The following SRR variants were observed in gnomAD, a reference collection of about 807,000 sequenced individuals.
SRR encodes D-serine ammonia-lyase.
SRR carries 19 observed loss-of-function variants against 32.7 expected under a neutral mutation model. The observed-to-expected ratio is 0.58, with a 90% CI of 0.40 to 0.85. SRR has a LOEUF of 0.85. SRR is among the 40% of genes least tolerant of loss of function. SRR has a pLI of 0.00. For missense variants in SRR, 373 were observed against 404.7 expected (o/e 0.92, Z 0.67); for synonymous variants, 142 against 140.9 (o/e 1.01, Z -0.06).
chr17:2,311,897 A>C (rs2075436098), intron 1 of SRR, among the ~76,000 whole-genome samples: 1 of 152,144 alleles, frequency 6.6e-6, no homozygotes, highest in Admixed American at 6.6e-5. Context: ...TCAGAGGAAA[A>C]GGATTCTGTC....
Position 2,325,137 on chromosome 17 carries a change from G to C in SRR, c.*1264G>C. ...TATACACTGTTTCACGTAAAAGTTGGAGTTTTCATTGTTCTATTAACAATG... is the reference window on the plus strand; with the variant it reads ...TATACACTGTTTCACGTAAAAGTTGCAGTTTTCATTGTTCTATTAACAATG... On this transcript the variant is annotated 3_prime_UTR_variant, in exon 8 of 8. Coordinates refer to ENST00000344595, the MANE Select transcript of SRR (RefSeq NM_021947.3). 3.2e-6 allele frequency: 2 copies of C among 621,112 alleles called. No individual in the cohort carries two copies. The highest frequency in any genetic ancestry group is 5.4e-6 in the Non-Finnish European group (2 of 369,384). 38.5% of individuals were successfully genotyped at this position (621,112 alleles called of 1,614,324 possible). A position where few individuals can be genotyped will look rare whatever the true frequency, so the allele number is the denominator to read the frequency against.
At position 2,324,272 on chromosome 17, in the gene SRR, T is replaced by A; in HGVS notation, c.*399T>A. On this transcript the variant is annotated 3_prime_UTR_variant, in exon 8 of 8. Coordinates refer to ENST00000344595, the MANE Select transcript of SRR (RefSeq NM_021947.3). ...GGGTACTGGTTCTGGTACATATGGA[T>A]CATAAGTCCATTTGGGGAAGACTCG... is the stretch of plus-strand genomic sequence containing the variant. The A allele has an allele frequency of 6.4e-7, 1 of 1,554,078 alleles. No individual in the cohort carries two copies. The highest frequency in any genetic ancestry group is 8.7e-7 in the Non-Finnish European group (1 of 1,155,622).
chr17:2,324,265 A>C lies in SRR; in HGVS notation c.*392A>C. On this transcript the variant is annotated 3_prime_UTR_variant, in exon 8 of 8. Coordinates refer to ENST00000344595, the MANE Select transcript of SRR (RefSeq NM_021947.3). ...TCAGCCAGGGTACTGGTTCTGGTAC[A>C]TATGGATCATAAGTCCATTTGGGGA... 6.4e-7 allele frequency: 1 copy of C among 1,551,128 alleles called. No homozygotes were observed. The highest frequency in any genetic ancestry group is 8.7e-7 in the Non-Finnish European group (1 of 1,154,256).
intron 1 of SRR, among the ~76,000 whole-genome samples, chr17:2,314,377 A>C (rs2075455083): frequency 6.6e-6 from 1 of 151,866 alleles, no homozygotes; most frequent in East Asian, 1.9e-4. Context: ...AGGTCAGGAG[A>C]TTGAGACTAT....
In SRR at chr17:2,323,742, T is replaced by G; in HGVS notation, c.892T>G (p.Phe298Val). ...AGTGGCTGCTGTGCTGTCTCAACAT[T>G]TTCAAACTGTTTCCCCAGAAGTAAA... ...VGVAAVLSQHFQTVSPEVKNI... is the reference protein window; with the variant it reads ...VGVAAVLSQHVQTVSPEVKNI... The change falls in exon 8 of 8, where the codon TTT (phenylalanine) becomes GTT (valine). Residue 298 changes from phenylalanine to valine, a missense_variant. Coordinates refer to ENST00000344595, the MANE Select transcript of SRR (RefSeq NM_021947.3). 6.2e-7 allele frequency: 1 copy of G among 1,614,204 alleles called. No individual in the cohort carries two copies.
intron 1 of SRR, among the ~76,000 whole-genome samples, chr17:2,305,218 A>G (rs2075377993): frequency 6.6e-6 from 1 of 152,222 alleles, no homozygotes; most frequent in South Asian, 2.1e-4. Context: ...GATTTGAGAG[A>G]AATAGGAAGA....
At chr17:2,303,924 C>G (rs2075350994), upstream of SRR, 31 of 270,290 alleles carry the variant, frequency 1.1e-4, no homozygotes, top group East Asian at 7.4e-4. Context: ...GAGCGAGAGC[C>G]TGGGTGGGGC....
At chr17:2,317,801 A>G in intron 2 of SRR, 69 bp from the exon 3 acceptor site, 1 of 1,536,278 alleles carries the variant, frequency 6.5e-7, no homozygotes, top group Non-Finnish European at 8.9e-7. Context: ...TAGAAAATCT[A>G]GAAAAGCTCC....
At position 2,323,761 on chromosome 17, in the gene SRR, A is replaced by T; in HGVS notation, c.911A>T (p.Glu304Val). The change falls in exon 8 of 8, where the codon GAA becomes GTA. Residue 304 changes from glutamate (E) to valine (V), a missense_variant. Glu to Val is a moderately radical substitution (Grantham distance 121, BLOSUM62 -2). Coordinates refer to ENST00000344595, the MANE Select transcript of SRR (RefSeq NM_021947.3). ...CAACATTTTCAAACTGTTTCCCCAG[A>T]AGTAAAGAACATTTGTATTGTGCTC... is the stretch of plus-strand genomic sequence containing the variant. ...LSQHFQTVSP[E>V]VKNICIVLSG... is the part of the protein sequence containing the mutation. 6.2e-7 allele frequency: 1 copy of T among 1,614,196 alleles called. No individual in the cohort carries two copies.
Position 2,321,382 on chromosome 17 carries a change from T to A in SRR, c.476T>A (p.Val159Glu). 3 of 1,612,588 alleles carry A rather than the reference T, an allele frequency of 1.9e-6. No individual in the cohort carries two copies. The highest frequency in any genetic ancestry group is 2.5e-6 in the Non-Finnish European group (3 of 1,179,580). The stretch of plus-strand genomic sequence containing the variant: ...GTACATCCCAACCAGGAGCCTGCAG[T>A]GATAGCTGGACAAGGGACAATTGCC... ...IMVHPNQEPA[V>E]IAGQGTIALE... The change falls in exon 5 of 8, where the codon GTG (valine) becomes GAG (glutamate). Residue 159 changes from valine to glutamate, a missense_variant. Physicochemically the swap from Val to Glu is moderately radical, Grantham distance 121 (BLOSUM62 -2). Coordinates refer to ENST00000344595, the MANE Select transcript of SRR (RefSeq NM_021947.3).
At chr17:2,318,237 C>T (rs144493227) in intron 3 of SRR, among the ~76,000 whole-genome samples, 10,887 of 152,160 alleles carry the variant, frequency 0.072, 525 homozygotes, top group Non-Finnish European at 0.1. Context: ...CTCCACCTGC[C>T]GGGTTCAAGC....
intron 1 of SRR, among the ~76,000 whole-genome samples, chr17:2,311,081 A>G (rs935152138): frequency 6.7e-6 from 1 of 149,820 alleles, no homozygotes; most frequent in African/African-American, 2.5e-5. Flanking sequence ...GGATTTTACT[A>G]TGTTAGTCAG....
At position 2,315,723 on chromosome 17, in the gene SRR, T is replaced by C; in HGVS notation, c.163T>C (p.Phe55Leu). The change falls in exon 2 of 8, where the codon TTT (phenylalanine) becomes CTT (leucine). Residue 55 changes from phenylalanine (F) to leucine (L), a missense_variant. Coordinates refer to ENST00000344595, the MANE Select transcript of SRR (RefSeq NM_021947.3). ...KCELFQKTGS[F>L]KIRGALNAVR... ...TGAACTCTTCCAGAAAACAGGATCT[T>C]TTAAGGTAACAATCCTTTTTCTCAG... The C allele has an allele frequency of 6.2e-7, 1 of 1,613,586 alleles. No homozygotes were observed. Among genetic ancestry groups the C allele is most frequent in the Non-Finnish European group, 8.5e-7 (1 of 1,179,826 alleles).
chr17:2,317,566 C>A (rs1484393078), intron 2 of SRR, among the ~76,000 whole-genome samples: 1 of 151,446 alleles, frequency 6.6e-6, no homozygotes, highest in African/African-American at 2.4e-5. Context: ...TGCCTATAAT[C>A]CCAGCTACTT....
intron 1 of SRR, among the ~76,000 whole-genome samples, chr17:2,313,756 G>A (rs570684572): frequency 6.6e-6 from 1 of 152,018 alleles, no homozygotes; most frequent in African/African-American, 2.4e-5. Flanking sequence ...AAAAAAAAAT[G>A]TTGATAAATG....
At chr17:2,321,212 A>T in intron 4 of SRR, 94 bp from the exon 5 acceptor site, 1 of 1,468,114 alleles carries the variant, frequency 6.8e-7, no homozygotes, top group South Asian at 1.2e-5. Context: ...GTGTGAAAAA[A>T]GTAGATGGTC....
At chr17:2,307,490 TA>T in intron 1 of SRR, 1 of 1,437,378 alleles carries the variant, frequency 7.0e-7, no homozygotes, top group Non-Finnish European at 9.7e-7. Context: ...GGGATGGCTA[TA>T]ATGGATTTGG....
chr17:2,310,732 C>G (rs1029136333), intron 1 of SRR, among the ~76,000 whole-genome samples: 1 of 151,806 alleles, frequency 6.6e-6, no homozygotes, highest in Admixed American at 6.6e-5. Flanking sequence ...GCAAATGCCA[C>G]TACTCCTGGC....
In SRR at chr17:2,323,760, G is replaced by A. The variant is rs1003225681; in HGVS notation, c.910G>A (p.Glu304Lys). The A allele has an allele frequency of 7.4e-6, 12 of 1,614,052 alleles. No individual in the cohort carries two copies. Among genetic ancestry groups the A allele is most frequent in the African/African-American group, 6.7e-5 (5 of 74,916 alleles). ...LSQHFQTVSP[E>K]VKNICIVLSG... ...TCAACATTTTCAAACTGTTTCCCCA[G>A]AAGTAAAGAACATTTGTATTGTGCT... Residue 304 changes from glutamate (E) to lysine (K), a missense_variant, in exon 8 of 8, where the codon GAA becomes AAA. Glu to Lys is a moderately conservative substitution (Grantham distance 56). Coordinates refer to ENST00000344595, the MANE Select transcript of SRR (RefSeq NM_021947.3).
Sources: gnomAD v4.1 joint callset for allele counts (sites outside exome capture counted in the v4.1 genomes callset) on GRCh38, gnomAD v4.1.1 for gene constraint, MANE v1.5 for transcripts, NCBI Gene and HGNC (gene_info 2026-07-23, HGNC 2026-07-21) for gene names.